The following PRKD2 variants were observed in gnomAD, a reference collection of about 807,000 sequenced individuals.
PRKD2 encodes protein kinase D2.
A neutral mutation model predicts 86.0 loss-of-function variants in PRKD2; 22 were observed. The observed-to-expected ratio is 0.26, with a 90% CI of 0.18 to 0.37. PRKD2 has a LOEUF of 0.37. Ranked by LOEUF, PRKD2 falls within the 10% of genes least tolerant of loss-of-function variation. PRKD2 has a pLI of 1.00. For synonymous variants in PRKD2, 509 were observed against 510.9 expected (o/e 1.00, Z 0.05); for missense variants, 818 against 1,199.2 (o/e 0.68, Z 4.70).
intron 16 of PRKD2, 22 bp from the exon 17 acceptor site, chr19:46,675,140 G>A (rs1330233688): frequency 1.3e-6 from 2 of 1,595,936 alleles, no homozygotes; most frequent in East Asian, 2.2e-5. Flanking sequence ...AGAGAAACAG[G>A]TCAAGCCCTA....
chr19:46,713,827 CGA>C, intron 2 of PRKD2, 34 bp downstream of exon 2: 1 of 1,433,628 alleles, frequency 7.0e-7, no homozygotes, highest in Non-Finnish European at 9.4e-7. Context: ...CGCCCCCACC[CGA>C]GGCCCCGCCC....
chr19:46,689,285 C>G (rs1221116771), intron 14 of PRKD2, among the ~76,000 whole-genome samples: 1 of 151,982 alleles, frequency 6.6e-6, no homozygotes, highest in Non-Finnish European at 1.5e-5. Flanking sequence ...CCATGCCCGG[C>G]TAATTTTTTG....
At position 46,678,702 on chromosome 19, in the gene PRKD2, G is replaced by A. The variant is rs1227471522; in HGVS notation, c.2071-39C>T. On this transcript the variant is annotated intron_variant, in intron 15 of 17. Coordinates refer to ENST00000291281, the MANE Select transcript of PRKD2 (RefSeq NM_016457.5). The surrounding 1 kb of genome is among the most constrained non-coding windows in gnomAD (Gnocchi z 5.7). ...GGGATGGAGGCTCCACCAGGTGATGGAGCCGCACCCACCCCAGCATCCCCA... is the reference window on the plus strand; with the variant it reads ...GGGATGGAGGCTCCACCAGGTGATGAAGCCGCACCCACCCCAGCATCCCCA... 1.3e-6 allele frequency: 2 copies of A among 1,578,920 alleles called. No individual in the cohort carries two copies. Among genetic ancestry groups the A allele is most frequent in the Non-Finnish European group, 1.7e-6 (2 of 1,166,118 alleles).
intron 16 of PRKD2, among the ~76,000 whole-genome samples, chr19:46,676,308 G>C (rs537247281): frequency 6.6e-6 from 1 of 152,186 alleles, no homozygotes; most frequent in East Asian, 1.9e-4. Flanking sequence ...CATGCCTGTA[G>C]TCCCAGCTAC....
intron 13 of PRKD2, 144 bp from the exon 14 acceptor site, chr19:46,689,842 C>A: frequency 9.1e-6 from 8 of 881,064 alleles, no homozygotes; most frequent in Non-Finnish European, 1.4e-5. Flanking sequence ...GGGCTTCCCA[C>A]AGGCCAAGAC....
At chr19:46,680,525 G>A (rs562839426) in intron 15 of PRKD2, among the ~76,000 whole-genome samples, 1 of 152,112 alleles carries the variant, frequency 6.6e-6, no homozygotes, top group East Asian at 1.9e-4. Context: ...CAGACCTCAA[G>A]TGATCTGCCC....
intron 9 of PRKD2, among the ~76,000 whole-genome samples, chr19:46,696,876 AC>A (rs1199053170): frequency 5.9e-5 from 9 of 152,174 alleles, no homozygotes; most frequent in African/African-American, 2.2e-4. Context: ...GAATTCTCGC[AC>A]CAGCCCTGAG....
At chr19:46,680,408 C>G (rs1383652029) in intron 15 of PRKD2, among the ~76,000 whole-genome samples, 2 of 151,920 alleles carry the variant, frequency 1.3e-5, no homozygotes. Context: ...CCTGCTTCAG[C>G]CTCCTGAGAA....
At chr19:46,680,946 A>ATATACATATATATATATTTT in intron 15 of PRKD2, among the ~76,000 whole-genome samples, 1 of 48,258 alleles carries the variant, frequency 2.1e-5, no homozygotes, top group South Asian at 1.1e-3. Context: ...ATATATATAT[A>ATATACATATATATATATTTT]TTTTTTTTTT....
chr19:46,708,650 C>T (rs1215610723), intron 3 of PRKD2, among the ~76,000 whole-genome samples: 1 of 152,134 alleles, frequency 6.6e-6, no homozygotes. Context: ...TCTCTCTCTC[C>T]GTGTCCCATG....
intron 9 of PRKD2, 93 bp from the exon 10 acceptor site, chr19:46,694,226 A>G (rs1288464528): frequency 6.6e-7 from 1 of 1,510,742 alleles, no homozygotes; most frequent in African/African-American, 1.4e-5. Flanking sequence ...CCATGTTGAT[A>G]GGGATGGGCC....
intron 2 of PRKD2, among the ~76,000 whole-genome samples, chr19:46,712,413 C>A (rs1025890693): frequency 6.8e-6 from 1 of 147,438 alleles, no homozygotes; most frequent in African/African-American, 2.5e-5. Flanking sequence ...TGGTAGCAGG[C>A]GCCTGTAATC....
Position 46,716,739 on chromosome 19 carries a change from A to C in PRKD2, c.-369T>G. 1 of 165,548 alleles carries C rather than the reference A, an allele frequency of 6.0e-6. No homozygotes were observed. The highest frequency in any genetic ancestry group is 1.3e-5 in the Non-Finnish European group (1 of 77,290). 10.3% of individuals were successfully genotyped at this position (165,548 alleles called of 1,614,324 possible). A position where few individuals can be genotyped will look rare whatever the true frequency, so the allele number is the denominator to read the frequency against. ...CCCTTCCCTAGAGGAGGGATTGAGA[A>C]GGGGGCAGAGGGAATCCCAGGATCC... On this transcript the variant is annotated 5_prime_UTR_variant, in exon 1 of 18. Transcript: ENST00000291281. This position sits in a 1 kb window ranked among gnomAD's most constrained non-coding sequence, Gnocchi z 7.9.
intron 14 of PRKD2, chr19:46,688,719 G>A (rs2053437060): frequency 6.6e-6 from 1 of 152,160 alleles, no homozygotes; most frequent in Non-Finnish European, 1.5e-5. Context: ...TTACAGGCGT[G>A]AGCCACCGCG....
chr19:46,674,645 G>C lies in PRKD2; in HGVS notation c.2515C>G (p.Gln839Glu). 6.2e-7 allele frequency: 1 copy of C among 1,607,346 alleles called. No individual in the cohort carries two copies. The highest frequency in any genetic ancestry group is 8.5e-7 in the Non-Finnish European group (1 of 1,179,908). The change falls in exon 18 of 18, where the codon CAG becomes GAG. Residue 839 changes from glutamine (Q) to glutamate (E), a missense_variant. By Grantham distance (29) the Gln-to-Glu change is conservative. This residue lies in a region of PRKD2 where 132 missense variants were observed against 146.2 expected (regional missense o/e 0.90). Transcript: ENST00000291281. ...GGCAGCGGATGCTCTGCTGCAAACT[G>C]CTCCCAGCGCGCGTCGTCACTCTCA... is the stretch of plus-strand genomic sequence containing the variant. The part of the protein sequence containing the change: ...THESDDARWE[Q>E]FAAEHPLPGS...
At chr19:46,697,019 C>G in intron 9 of PRKD2, 138 bp downstream of exon 9, 1 of 759,056 alleles carries the variant, frequency 1.3e-6, no homozygotes, top group Non-Finnish European at 2.3e-6. Flanking sequence ...TGCTGATGAG[C>G]TGGAAGCAGG....
chr19:46,680,936 ATATATATATATTTT>A (rs199655804), intron 15 of PRKD2, among the ~76,000 whole-genome samples: 3,304 of 56,096 alleles, frequency 0.059, 180 homozygotes, highest in African/African-American at 0.14. Flanking sequence ...ATATATATAT[ATATATATATATTTT>A]TTTTTTTTTT....
In PRKD2 at chr19:46,716,423, G is replaced by A. The variant is rs2053882469; in HGVS notation, c.-53C>T. The A allele has an allele frequency of 1.7e-6, 2 of 1,182,128 alleles. No individual in the cohort carries two copies. The highest frequency in any genetic ancestry group is 2.3e-6 in the Non-Finnish European group (2 of 886,240). 73.2% of individuals were successfully genotyped at this position (1,182,128 alleles called of 1,614,324 possible). A position where few individuals can be genotyped will look rare whatever the true frequency, so the allele number is the denominator to read the frequency against. On this transcript the variant is annotated 5_prime_UTR_variant, in exon 1 of 18. Coordinates refer to ENST00000291281, the MANE Select transcript of PRKD2 (RefSeq NM_016457.5). This position sits in a 1 kb window ranked among gnomAD's most constrained non-coding sequence, Gnocchi z 7.9. The stretch of plus-strand genomic sequence containing the variant: ...GAGCCCACCCGGGACCCGGCCGGGG[G>A]GCCCCGGGGGACCCTGGGTTCTAGA...
intron 3 of PRKD2, among the ~76,000 whole-genome samples, chr19:46,706,983 C>A (rs2053722757): frequency 1.3e-5 from 2 of 151,634 alleles, no homozygotes; most frequent in Non-Finnish European, 2.9e-5. Context: ...ACCTCCACCC[C>A]CTCAGGTTCA....
Sources: gnomAD v4.1 joint callset for allele counts (sites outside exome capture counted in the v4.1 genomes callset) on GRCh38, gnomAD v4.1.1 for gene constraint, gnomAD v4.1.1 regional missense constraint, Gnocchi (gnomAD v3.1) non-coding constraint, MANE v1.5 for transcripts, NCBI Gene and HGNC (gene_info 2026-07-23, HGNC 2026-07-21) for gene names.